Variants in PDE4D observed in about 807,000 individuals in gnomAD.
PDE4D encodes the protein 3',5'-cyclic-AMP phosphodiesterase 4D.
A neutral mutation model predicts 87.4 loss-of-function variants in PDE4D; 24 were observed. The ratio of observed to expected loss-of-function variants is 0.27; its 90% CI spans 0.20 to 0.39. The LOEUF (loss-of-function observed/expected upper bound fraction) is 0.39, where lower values mean the gene tolerates loss of function less well. Among genes scored for constraint, PDE4D ranks in the 10% least tolerant of loss-of-function variants. The pLI is 1.00. For missense variants in PDE4D, 714 were observed against 1,041.0 expected, an observed-to-expected ratio of 0.69 and a Z score of 4.32; for synonymous variants, 384 against 383.2, an observed-to-expected ratio of 1.00 and a Z score of -0.02.
chr5:59,777,798 T>C (rs1764225358), intron 1 of PDE4D, among the ~76,000 whole-genome samples: 1 of 152,194 alleles, frequency 6.6e-6, no homozygotes, highest in African/African-American at 2.4e-5. Context: ...TATATAACAG[T>C]ATTACATAAC....
intron 2 of PDE4D, among the ~76,000 whole-genome samples, chr5:60,143,484 T>C (rs1016826291): frequency 1.3e-5 from 2 of 152,202 alleles, no homozygotes; most frequent in African/African-American, 2.4e-5. Context: ...TCAAGACATT[T>C]GGAACAGTGG....
chr5:59,775,411 A>G (rs1356626710), intron 1 of PDE4D, among the ~76,000 whole-genome samples: 2 of 152,234 alleles, frequency 1.3e-5, no homozygotes, highest in Admixed American at 6.5e-5. Context: ...ACTAAGCATA[A>G]GCACTTTGCA....
At chr5:60,058,528 A>C (rs951981656) in intron 2 of PDE4D, among the ~76,000 whole-genome samples, 1 of 152,020 alleles carries the variant, frequency 6.6e-6, no homozygotes, top group Middle Eastern at 3.2e-3. Context: ...ATATAAATGA[A>C]AGTAATATCT....
intron 2 of PDE4D, among the ~76,000 whole-genome samples, chr5:60,048,967 A>G (rs1407829127): frequency 1.3e-5 from 2 of 152,188 alleles, no homozygotes; most frequent in East Asian, 1.9e-4. Flanking sequence ...GTGTTTTCCA[A>G]CTTGGTCCCA....
chr5:60,375,519 G>A (rs1049929455), intron 1 of PDE4D, among the ~76,000 whole-genome samples: 3 of 152,168 alleles, frequency 2.0e-5, no homozygotes, highest in African/African-American at 7.2e-5. Context: ...CATTTATTGA[G>A]TACTTAATTT....
intron 2 of PDE4D, among the ~76,000 whole-genome samples, chr5:60,087,092 A>G (rs1774614626): frequency 6.6e-6 from 1 of 152,256 alleles, no homozygotes; most frequent in African/African-American, 2.4e-5. Flanking sequence ...ATTTCAGGAC[A>G]GCTTTTAACT....
intron 2 of PDE4D, among the ~76,000 whole-genome samples, chr5:59,198,166 C>A (rs1561682242): frequency 1.3e-5 from 2 of 152,054 alleles, no homozygotes; most frequent in African/African-American, 2.4e-5. Flanking sequence ...ACAACAACAA[C>A]CCTTAACAAA....
intron 1 of PDE4D, among the ~76,000 whole-genome samples, chr5:60,337,378 T>TACACACACACACACAC (rs1561133956): frequency 6.1e-5 from 7 of 114,584 alleles, no homozygotes; most frequent in African/African-American, 2.1e-4. Flanking sequence ...TATATATATA[T>TACACACACACACACAC]ATATATATAT....
chr5:59,053,362 T>TACACACAC (rs57805618), intron 5 of PDE4D, among the ~76,000 whole-genome samples: 60 of 142,170 alleles, frequency 4.2e-4, no homozygotes, highest in African/African-American at 1.3e-3. Context: ...TGGGTGTACA[T>TACACACAC]ACACACACAC....
In PDE4D at chr5:58,974,792, G is replaced by C. The variant is rs1412324819; in HGVS notation, c.2302C>G (p.Leu768Val). 5.6e-6 allele frequency: 9 copies of C among 1,613,590 alleles called. No homozygotes were observed. The highest frequency in any genetic ancestry group is 2.2e-5 in the East Asian group (1 of 44,886). Residue 768 changes from leucine to valine, a missense_variant, in exon 15 of 15, where the codon CTT becomes GTT. Physicochemically the swap from Leu to Val is conservative, Grantham distance 32 (BLOSUM62 1). Transcript: ENST00000340635. ...EDTSCSDSKTLCTQDSESTEI... is the reference protein window; with the variant it reads ...EDTSCSDSKTVCTQDSESTEI... Reference sequence around the variant, plus strand: ...GTAGACTCTGAGTCTTGAGTACAAAGAGTCTTGGAGTCACTGCAGCTAGTG... The same window carrying C: ...GTAGACTCTGAGTCTTGAGTACAAACAGTCTTGGAGTCACTGCAGCTAGTG...
intron 1 of PDE4D, among the ~76,000 whole-genome samples, chr5:59,890,168 C>T (rs1750742526): frequency 6.6e-6 from 1 of 151,920 alleles, no homozygotes; most frequent in African/African-American, 2.4e-5. Flanking sequence ...ATTCATCCAT[C>T]CACCCATGAG....
chr5:59,666,086 G>A (rs747134999), intron 1 of PDE4D, among the ~76,000 whole-genome samples: 9 of 152,132 alleles, frequency 5.9e-5, no homozygotes, highest in East Asian at 1.9e-4. Flanking sequence ...TCAGACTCCC[G>A]AGTAGCTGGG....
chr5:60,248,164 G>T (rs1748016096), intron 1 of PDE4D, among the ~76,000 whole-genome samples: 1 of 151,936 alleles, frequency 6.6e-6, no homozygotes, highest in Non-Finnish European at 1.5e-5. Context: ...CATGGCCACA[G>T]AACCTCTCTT....
At chr5:59,416,969 G>A (rs1308339187) in intron 1 of PDE4D, among the ~76,000 whole-genome samples, 1 of 152,090 alleles carries the variant, frequency 6.6e-6, no homozygotes, top group Non-Finnish European at 1.5e-5. Flanking sequence ...CATATTGCAT[G>A]TATGTACATA....
Position 60,068,037 on chromosome 5 carries a change from G to A in PDE4D, c.43-79320C>T, listed in dbSNP as rs967601767. 2.0e-5 allele frequency among the ~76,000 whole-genome samples: 3 copies of A among 152,156 alleles called. No homozygotes were observed. In the East Asian group the frequency reaches 5.8e-4, roughly 29 times the overall value. On this transcript the variant is annotated intron_variant, in intron 2 of 16. Coordinates refer to the PDE4D transcript ENST00000502484. ...ATAATCCTACAATGAATATAGGAGT[G>A]CTAATACATCTTTGAGATCCTGATT...
intron 2 of PDE4D, among the ~76,000 whole-genome samples, chr5:60,029,342 A>G (rs770412699): frequency 1.3e-5 from 2 of 152,208 alleles, no homozygotes; most frequent in Non-Finnish European, 2.9e-5. Flanking sequence ...AGATAGATGC[A>G]TATCTGATTG....
At chr5:60,134,442 C>A (rs1328963345) in intron 2 of PDE4D, among the ~76,000 whole-genome samples, 2 of 152,178 alleles carry the variant, frequency 1.3e-5, no homozygotes, top group African/African-American at 2.4e-5. Context: ...GAGTTTAAGG[C>A]TGCACTGAGC....
chr5:59,619,625 T>C (rs915403985), intron 1 of PDE4D, among the ~76,000 whole-genome samples: 1 of 152,164 alleles, frequency 6.6e-6, no homozygotes, highest in African/African-American at 2.4e-5. Context: ...AACACTGCCA[T>C]TTCAGTGGTA....
intron 5 of PDE4D, among the ~76,000 whole-genome samples, chr5:59,164,712 C>CA (rs1365181610): frequency 6.6e-6 from 1 of 152,062 alleles, no homozygotes; most frequent in Admixed American, 6.6e-5. Flanking sequence ...TGTTCTGAGT[C>CA]AATAATGCCT....
Sources: gnomAD v4.1 joint callset for allele counts (sites outside exome capture counted in the v4.1 genomes callset) on GRCh38, gnomAD v4.1.1 for gene constraint, MANE v1.5 for transcripts, NCBI Gene and HGNC (gene_info 2026-07-23, HGNC 2026-07-21) for gene names.